Variants in SNX24 observed in about 807,000 individuals in gnomAD.
The protein encoded by SNX24 is sorting nexin 24.
A neutral mutation model predicts 28.7 loss-of-function variants in SNX24; 22 were observed. The observed-to-expected ratio is 0.77, with a 90% CI of 0.55 to 1.10. The LOEUF (loss-of-function observed/expected upper bound fraction) is 1.10. Ranked by LOEUF, SNX24 falls within the 50% of genes least tolerant of loss-of-function variation. SNX24 has a pLI of 0.00. For missense variants in SNX24, 221 were observed against 201.1 expected, an observed-to-expected ratio of 1.10 and a Z score of -0.60; for synonymous variants, 69 against 71.5, an observed-to-expected ratio of 0.96 and a Z score of 0.18.
At chr5:122,902,888 C>A (rs1262403883) in intron 1 of SNX24, among the ~76,000 whole-genome samples, 1 of 152,182 alleles carries the variant, frequency 6.6e-6, no homozygotes, top group Non-Finnish European at 1.5e-5. Flanking sequence ...TGAGTTTCAA[C>A]TCATATTAGT....
intron 1 of SNX24, among the ~76,000 whole-genome samples, chr5:122,910,949 A>G (rs1757858407): frequency 6.6e-6 from 1 of 152,148 alleles, no homozygotes; most frequent in Admixed American, 6.5e-5. Context: ...GTGTCTTTAT[A>G]GCAGCATGAT....
At chr5:123,019,033 G>C (rs1762727053) in intron 5 of SNX24, among the ~76,000 whole-genome samples, 1 of 151,662 alleles carries the variant, frequency 6.6e-6, no homozygotes, top group Non-Finnish European at 1.5e-5. Flanking sequence ...TTTGTCAGTT[G>C]GTCTTTTTTT....
intron 5 of SNX24, chr5:123,025,990 A>G: frequency 6.4e-7 from 1 of 1,571,408 alleles, no homozygotes; most frequent in South Asian, 1.2e-5. Flanking sequence ...CAAGGAAGAA[A>G]GTCAACAGAT....
chr5:122,991,708 G>T (rs974067271), intron 3 of SNX24, among the ~76,000 whole-genome samples: 14 of 152,186 alleles, frequency 9.2e-5, no homozygotes, highest in African/African-American at 3.4e-4. Flanking sequence ...TGATCCACCC[G>T]CCTTGGCCTC....
At chr5:122,915,136 G>T (rs1021051212) in intron 1 of SNX24, among the ~76,000 whole-genome samples, 1 of 152,070 alleles carries the variant, frequency 6.6e-6, no homozygotes, top group Non-Finnish European at 1.5e-5. Flanking sequence ...AATCTGAAAT[G>T]GTCTCAACTT....
intron 1 of SNX24, among the ~76,000 whole-genome samples, chr5:122,846,437 G>A (rs1307120088): frequency 6.6e-6 from 1 of 152,242 alleles, no homozygotes; most frequent in Non-Finnish European, 1.5e-5. Context: ...TGGGAGAAAT[G>A]TCTGAGTGTG....
chr5:122,974,367 G>T (rs963670361), intron 3 of SNX24, among the ~76,000 whole-genome samples: 1 of 152,212 alleles, frequency 6.6e-6, no homozygotes, highest in African/African-American at 2.4e-5. Flanking sequence ...CCTTGTGGAA[G>T]GGAAAATGGA....
intron 3 of SNX24, among the ~76,000 whole-genome samples, chr5:122,995,287 C>G (rs1043355837): frequency 2.0e-5 from 3 of 152,158 alleles, no homozygotes; most frequent in Non-Finnish European, 4.4e-5. Context: ...CAGTGGCCAC[C>G]CTCCTTAACA....
At chr5:122,973,872 A>G (rs2150150097) in intron 3 of SNX24, among the ~76,000 whole-genome samples, 1 of 152,264 alleles carries the variant, frequency 6.6e-6, no homozygotes, top group African/African-American at 2.4e-5. Context: ...CTTTGCTGTA[A>G]TTCACCTATG....
intron 1 of SNX24, among the ~76,000 whole-genome samples, chr5:122,911,512 G>A (rs1197348854): frequency 2.6e-5 from 4 of 151,018 alleles, no homozygotes; most frequent in African/African-American, 9.7e-5. Context: ...TGTTGCCATT[G>A]CTTTTGGTGT....
chr5:122,986,512 G>C (rs958092270), intron 3 of SNX24, among the ~76,000 whole-genome samples: 1 of 152,192 alleles, frequency 6.6e-6, no homozygotes, highest in African/African-American at 2.4e-5. Context: ...GTGGTTTTCA[G>C]GGTGAGTGGT....
intron 3 of SNX24, among the ~76,000 whole-genome samples, chr5:122,946,531 T>TGG (rs1759692744): frequency 1.3e-5 from 2 of 152,170 alleles, no homozygotes; most frequent in East Asian, 3.8e-4. Context: ...CGGGGCTGGT[T>TGG]GGGGTAGTGA....
chr5:122,874,227 G>C (rs1317644872), intron 1 of SNX24, among the ~76,000 whole-genome samples: 1 of 152,132 alleles, frequency 6.6e-6, no homozygotes, highest in East Asian at 1.9e-4. Flanking sequence ...TCTTAAAAAA[G>C]GGTTACAATT....
intron 3 of SNX24, among the ~76,000 whole-genome samples, chr5:122,949,372 A>T (rs1281513465): frequency 6.6e-6 from 1 of 152,192 alleles, no homozygotes; most frequent in Non-Finnish European, 1.5e-5. Context: ...AATTTAAGTA[A>T]TTTTAGTTTA....
At chr5:122,948,105 G>C (rs1759769939) in intron 3 of SNX24, among the ~76,000 whole-genome samples, 1 of 152,198 alleles carries the variant, frequency 6.6e-6, no homozygotes, top group Non-Finnish European at 1.5e-5. Flanking sequence ...TCCCCCAGGA[G>C]TTTAAGGGAG....
At chr5:122,863,857 T>C (rs1197841786) in intron 1 of SNX24, among the ~76,000 whole-genome samples, 1 of 152,166 alleles carries the variant, frequency 6.6e-6, no homozygotes, top group East Asian at 1.9e-4. Context: ...ACCTAGCCCA[T>C]GTTGGCTTTT....
intron 1 of SNX24, among the ~76,000 whole-genome samples, chr5:122,921,103 T>G (rs895019335): frequency 1.3e-5 from 2 of 152,052 alleles, no homozygotes; most frequent in Non-Finnish European, 2.9e-5. Context: ...ACATCACTAT[T>G]ATGCACATGT....
At chr5:122,911,948 T>C (rs1391264027) in intron 1 of SNX24, among the ~76,000 whole-genome samples, 13 of 147,690 alleles carry the variant, frequency 8.8e-5, no homozygotes, top group African/African-American at 2.8e-4. Context: ...GACTTGGCGA[T>C]GCGGGCTCTT....
In SNX24 at chr5:123,008,826, C is replaced by A; in HGVS notation, c.*1077C>A. The A allele has an allele frequency of 1.1e-6, 1 of 952,188 alleles. No individual in the cohort carries two copies. The highest frequency in any genetic ancestry group is 1.8e-5 in the African/African-American group (1 of 56,670). 59.0% of individuals were successfully genotyped at this position (952,188 alleles called of 1,614,324 possible). On this transcript the variant is annotated 3_prime_UTR_variant, in exon 7 of 7. Transcript: ENST00000261369. ...GTGTTTATGATATAACTCCACTGTA[C>A]ATCATCCTTTGAGTAGTAAAGGATA...
Sources: gnomAD v4.1 joint callset for allele counts (sites outside exome capture counted in the v4.1 genomes callset) on GRCh38, gnomAD v4.1.1 for gene constraint, MANE v1.5 for transcripts, NCBI Gene and HGNC (gene_info 2026-07-23, HGNC 2026-07-21) for gene names.